LRSAM1: variants seen among roughly 807,000 people sequenced by gnomAD.
The protein encoded by LRSAM1 is leucine rich repeat and sterile alpha motif containing 1.
LRSAM1 carries 96 observed loss-of-function variants against 118.1 expected under a neutral mutation model. The ratio of observed to expected loss-of-function variants is 0.81; its 90% CI spans 0.69 to 0.96. LRSAM1 has a LOEUF of 0.96. Ranked by LOEUF, LRSAM1 falls within the 40% of genes least tolerant of loss-of-function variation. The pLI is 0.00. For synonymous variants in LRSAM1, 322 were observed against 364.2 expected (o/e 0.88, Z 1.32); for missense variants, 804 against 915.5 (o/e 0.88, Z 1.57).
chr9:127,477,789 T>C (rs1835393070), intron 11 of LRSAM1, among the ~76,000 whole-genome samples: 1 of 152,070 alleles, frequency 6.6e-6, no homozygotes, highest in Non-Finnish European at 1.5e-5. Context: ...GGCTCATGCC[T>C]ATAATCCCAG....
intron 10 of LRSAM1, among the ~76,000 whole-genome samples, chr9:127,470,167 G>C (rs909472122): frequency 6.6e-6 from 1 of 151,938 alleles, no homozygotes; most frequent in African/African-American, 2.4e-5. Context: ...GCCTGTATTA[G>C]TCTGTTCTCA....
chr9:127,479,090 T>TAC (rs1835435866), intron 12 of LRSAM1, 127 bp downstream of exon 12: 3 of 1,001,282 alleles, frequency 3.0e-6, no homozygotes, highest in South Asian at 1.4e-5. Flanking sequence ...GCCTTCCTCT[T>TAC]ACACGCAGTC....
rs749401286 is a variant in LRSAM1, at chr9:127,473,980, G to A, written c.750+49G>A. On this transcript the variant is annotated intron_variant, in intron 11 of 25. Coordinates refer to ENST00000300417, the MANE Select transcript of LRSAM1 (RefSeq NM_001005373.4). ...CGCATACATGTGTGTGTGTGCGTGT[G>A]CATGTATGTGTGTTGAGGGAGCTGG... 8.7e-6 allele frequency: 14 copies of A among 1,612,806 alleles called. No homozygotes were observed. In the South Asian group the frequency reaches 1.5e-4, roughly 18 times the overall value.
chr9:127,492,719 C>T (rs1193981319), intron 20 of LRSAM1, 83 bp from the exon 21 acceptor site: 1 of 1,297,170 alleles, frequency 7.7e-7, no homozygotes, highest in Non-Finnish European at 1.1e-6. Flanking sequence ...GAGCGGGAGG[C>T]CAGGCCCTTC....
At chr9:127,464,068 G>A (rs1487364079) in intron 9 of LRSAM1, among the ~76,000 whole-genome samples, 2 of 152,206 alleles carry the variant, frequency 1.3e-5, no homozygotes, top group African/African-American at 2.4e-5. Flanking sequence ...ATGGTGGCAC[G>A]CAGTCTGGCC....
At chr9:127,492,712 C>T (rs975798040) in intron 20 of LRSAM1, 90 bp from the exon 21 acceptor site, 12 of 1,204,478 alleles carry the variant, frequency 1.0e-5, no homozygotes, top group Non-Finnish European at 7.2e-6. Flanking sequence ...ACCGAGTGAG[C>T]GGGAGGCCAG....
At chr9:127,486,968 A>C (rs1002625073) in intron 17 of LRSAM1, among the ~76,000 whole-genome samples, 1 of 151,994 alleles carries the variant, frequency 6.6e-6, no homozygotes, top group African/African-American at 2.4e-5. Context: ...GGATCACCTG[A>C]GGTCGGGAGT....
chr9:127,475,002 C>G (rs1835301687), intron 11 of LRSAM1, among the ~76,000 whole-genome samples: 1 of 152,088 alleles, frequency 6.6e-6, no homozygotes, highest in African/African-American at 2.4e-5. Flanking sequence ...TTCCTAGATG[C>G]CACCCTTTCC....
At chr9:127,455,641 C>T (rs1160775749) in intron 5 of LRSAM1, 21 bp downstream of exon 5, 1 of 1,612,352 alleles carries the variant, frequency 6.2e-7, no homozygotes, top group Non-Finnish European at 8.5e-7. Flanking sequence ...GCTTCATCTT[C>T]AGAGACTTTC....
intron 9 of LRSAM1, among the ~76,000 whole-genome samples, chr9:127,466,490 A>ATT (rs1476930551): frequency 8.4e-5 from 1 of 11,954 alleles, no homozygotes; most frequent in African/African-American, 3.1e-4. Context: ...ATATATATAT[A>ATT]TATATATATA....
chr9:127,501,244 C>G, intron 25 of LRSAM1, 101 bp downstream of exon 25: 1 of 1,428,582 alleles, frequency 7.0e-7, no homozygotes, highest in Non-Finnish European at 9.5e-7. Flanking sequence ...CTCCAGTTCT[C>G]TAAGTAGACT....
Position 127,503,203 on chromosome 9 carries a change from T to C in LRSAM1, c.*304T>C. On this transcript the variant is annotated 3_prime_UTR_variant, in exon 26 of 26. Coordinates refer to ENST00000300417, the MANE Select transcript of LRSAM1 (RefSeq NM_001005373.4). ...AATCACGGATCTGCTGCCTCCCAGC[T>C]GTCTTGACTGAAGGCCACCGCCCCT... The C allele has an allele frequency of 2.3e-6, 1 of 429,060 alleles. No individual in the cohort carries two copies. The highest frequency in any genetic ancestry group is 4.4e-6 in the Non-Finnish European group (1 of 227,988). The allele number at this position is 429,060 out of a possible 1,614,324, so 26.6% of individuals were successfully genotyped here.
intron 20 of LRSAM1, 32 bp from the exon 21 acceptor site, chr9:127,492,770 C>G (rs370737592): frequency 1.2e-6 from 2 of 1,605,094 alleles, no homozygotes; most frequent in African/African-American, 1.3e-5. Flanking sequence ...GCCGCCAGCT[C>G]ACGGTGGTGC....
chr9:127,453,212 G>T (rs1411490803), intron 2 of LRSAM1, among the ~76,000 whole-genome samples: 3 of 152,108 alleles, frequency 2.0e-5, no homozygotes, highest in Non-Finnish European at 1.5e-5. Context: ...CTTCCAAGTG[G>T]CTGGGACTAC....
intron 25 of LRSAM1, among the ~76,000 whole-genome samples, chr9:127,502,561 C>T (rs902735027): frequency 6.6e-6 from 1 of 152,002 alleles, no homozygotes; most frequent in African/African-American, 2.4e-5. Context: ...GTGGTGCACG[C>T]CTGTAGTCCC....
At chr9:127,496,118 G>T in intron 23 of LRSAM1, 23 bp downstream of exon 23, 1 of 1,605,032 alleles carries the variant, frequency 6.2e-7, no homozygotes, top group Non-Finnish European at 8.5e-7. Flanking sequence ...CGTCTGCATG[G>T]AGGGGAGGGG....
rs778157640 is a variant in LRSAM1, at chr9:127,479,460, G to T, written c.858G>T (p.Gln286His). 1 of 1,614,104 alleles carries T rather than the reference G, an allele frequency of 6.2e-7. No homozygotes were observed. The highest frequency in any genetic ancestry group is 1.1e-5 in the South Asian group (1 of 91,080). ...LGQREHTQLL[Q>H]QSSSQKDEIL... ...AGCGGGAGCACACCCAGCTCCTTCA[G>T]CAGAGCAGCAGCCAGAAGGATGAGA... Residue 286 changes from glutamine (Q) to histidine (H), a missense_variant, in exon 13 of 26, where the codon CAG becomes CAT. Transcript: ENST00000300417.
chr9:127,499,923 C>CAA (rs1214067775), intron 24 of LRSAM1, among the ~76,000 whole-genome samples: 6 of 120,558 alleles, frequency 5.0e-5, no homozygotes, highest in African/African-American at 1.5e-4. Flanking sequence ...GACTCCATCT[C>CAA]AAAAAAAAAA....
At chr9:127,484,599 G>T (rs1436273495) in intron 16 of LRSAM1, among the ~76,000 whole-genome samples, 10 of 150,496 alleles carry the variant, frequency 6.6e-5, no homozygotes, top group Non-Finnish European at 1.2e-4. Context: ...GGCTCAAGCA[G>T]TCCTCCCACC....
Sources: gnomAD v4.1 joint callset for allele counts (sites outside exome capture counted in the v4.1 genomes callset) on GRCh38, gnomAD v4.1.1 for gene constraint, MANE v1.5 for transcripts, NCBI Gene and HGNC (gene_info 2026-07-23, HGNC 2026-07-21) for gene names.